ERBB4: variants seen among roughly 807,000 people sequenced by gnomAD.
The protein encoded by ERBB4 is erb-b2 receptor tyrosine kinase 4.
A neutral mutation model predicts 158.0 loss-of-function variants in ERBB4; 42 were observed. That is an observed-to-expected ratio of 0.27 (90% CI 0.21 to 0.34). The LOEUF (loss-of-function observed/expected upper bound fraction) is 0.34, where lower values mean the gene tolerates loss of function less well. ERBB4 is among the 10% of genes least tolerant of loss of function. The pLI is 1.00. For synonymous variants in ERBB4, 583 were observed against 558.7 expected, an observed-to-expected ratio of 1.04 and a Z score of -0.61; for missense variants, 1,333 against 1,624.1, an observed-to-expected ratio of 0.82 and a Z score of 3.08.
At chr2:211,408,218 G>A (rs114052778) in intron 25 of ERBB4, among the ~76,000 whole-genome samples, 5 of 152,130 alleles carry the variant, frequency 3.3e-5, no homozygotes, top group Non-Finnish European at 5.9e-5. Context: ...TTTCTAGGTC[G>A]AGTACAGTAA....
At chr2:212,262,084 T>C (rs1467828949) in intron 1 of ERBB4, among the ~76,000 whole-genome samples, 1 of 152,184 alleles carries the variant, frequency 6.6e-6, no homozygotes. Flanking sequence ...TTATTCTAAT[T>C]GTTCCCACTT....
At chr2:212,060,959 T>TAATA (rs58630259) in intron 2 of ERBB4, among the ~76,000 whole-genome samples, 36,498 of 145,672 alleles carry the variant, frequency 0.25, 5,351 homozygotes, top group African/African-American at 0.41. Flanking sequence ...TAAAGTATGA[T>TAATA]AATAAATAAA....
chr2:211,837,522 G>A lies in ERBB4; in HGVS notation c.422-49363C>T, dbSNP rs192551344. 1.1e-4 allele frequency among the ~76,000 whole-genome samples: 16 copies of A among 152,062 alleles called. No homozygotes were observed. In the East Asian group the frequency reaches 1.2e-3, roughly 11 times the overall value. ...CAGACATGTATCGTAGATTCTCCTC[G>A]GGAAATATTAAGACTTAAAGGCTTA... On this transcript the variant is annotated intron_variant, in intron 3 of 27. Transcript: ENST00000342788.
intron 20 of ERBB4, among the ~76,000 whole-genome samples, chr2:211,455,115 T>G (rs368719007): frequency 1.3e-5 from 2 of 152,364 alleles, no homozygotes; most frequent in South Asian, 4.1e-4. Context: ...CCAATAAAAT[T>G]CATTAGCACA....
rs71047175 is a variant in ERBB4, at chr2:211,415,107, C to CTTTTTTTTTTTTT, written c.3135+5321_3135+5333dup. Among the ~76,000 whole-genome samples, 59 of 72,506 alleles carry CTTTTTTTTTTTTT rather than the reference C, an allele frequency of 8.1e-4. 7 individuals are homozygous for CTTTTTTTTTTTTT. Among genetic ancestry groups the CTTTTTTTTTTTTT allele is most frequent in the African/African-American group, 3.0e-3 (55 of 18,138 alleles). The allele number at this position is 72,506 out of a possible 152,430, so 47.6% of individuals were successfully genotyped here. A position where few individuals can be genotyped will look rare whatever the true frequency, so the allele number is the denominator to read the frequency against. On this transcript the variant is annotated intron_variant, in intron 25 of 27. Transcript: ENST00000342788. ...CAAATCCCATTGAAACTTACATTTT[C>CTTTTTTTTTTTTT]TTTTTTTTTTTTTTTTTTTTTTTTT...
intron 25 of ERBB4, among the ~76,000 whole-genome samples, chr2:211,406,263 T>C (rs767871592): frequency 4.6e-5 from 7 of 152,206 alleles, no homozygotes; most frequent in Non-Finnish European, 7.3e-5. Flanking sequence ...CAACTGCATA[T>C]GGCTCTAGTG....
chr2:211,960,399 C>T (rs551086330), intron 2 of ERBB4, among the ~76,000 whole-genome samples: 1 of 152,196 alleles, frequency 6.6e-6, no homozygotes, highest in Admixed American at 6.6e-5. Context: ...TATTCAATGA[C>T]ATAAATTTCT....
At chr2:211,482,182 T>C (rs757168970) in intron 20 of ERBB4, among the ~76,000 whole-genome samples, 14 of 152,204 alleles carry the variant, frequency 9.2e-5, no homozygotes, top group Non-Finnish European at 1.9e-4. Flanking sequence ...GAGGATTCAC[T>C]AGAATACCGA....
intron 1 of ERBB4, among the ~76,000 whole-genome samples, chr2:212,376,681 T>C (rs2090333101): frequency 6.6e-6 from 1 of 152,036 alleles, no homozygotes; most frequent in African/African-American, 2.4e-5. Flanking sequence ...TTTCTTCAGT[T>C]AATGATGTAA....
intron 1 of ERBB4, among the ~76,000 whole-genome samples, chr2:212,516,413 C>A (rs1241817784): frequency 6.6e-6 from 1 of 151,938 alleles, no homozygotes; most frequent in Admixed American, 6.6e-5. Context: ...ATTCTTTGGG[C>A]AGTAGAAAAA....
chr2:211,940,903 CTGAGAA>C (rs1159117955), intron 3 of ERBB4, among the ~76,000 whole-genome samples: 33 of 152,120 alleles, frequency 2.2e-4, no homozygotes, highest in Non-Finnish European at 4.1e-4. Context: ...AATCAGTTGT[CTGAGAA>C]TAAGTCCCAG....
Position 211,726,855 on chromosome 2 carries a change from G to A in ERBB4, c.623-1661C>T, listed in dbSNP as rs1366782381. Among the ~76,000 whole-genome samples the A allele has an allele frequency of 2.6e-5, 4 of 152,070 alleles. No individual in the cohort carries two copies. The South Asian group carries it at 8.3e-4, about 31-fold the overall frequency. Reference sequence around the variant, plus strand: ...ATTAAACCTTAAGCAAGGGACAAAAGCCCTCCATAAGTTGACCACCATCTC... The same window carrying A: ...ATTAAACCTTAAGCAAGGGACAAAAACCCTCCATAAGTTGACCACCATCTC... On this transcript the variant is annotated intron_variant, in intron 5 of 27. Transcript: ENST00000342788.
intron 2 of ERBB4, among the ~76,000 whole-genome samples, chr2:211,981,370 G>T (rs1170995067): frequency 6.6e-6 from 1 of 152,170 alleles, no homozygotes; most frequent in Non-Finnish European, 1.5e-5. Flanking sequence ...GTAGTGAAGA[G>T]CACTTTGGGA....
chr2:211,792,092 T>C (rs894644637), intron 3 of ERBB4, among the ~76,000 whole-genome samples: 9 of 151,700 alleles, frequency 5.9e-5, no homozygotes, highest in African/African-American at 2.2e-4. Context: ...TAATTGTGTA[T>C]GGAAAAAAAG....
At chr2:211,826,389 A>C (rs1388041236) in intron 3 of ERBB4, among the ~76,000 whole-genome samples, 1 of 151,906 alleles carries the variant, frequency 6.6e-6, no homozygotes, top group Non-Finnish European at 1.5e-5. Flanking sequence ...TGTTCAAAAA[A>C]TTTGTTAAGT....
At chr2:212,469,666 T>G (rs1689016935) in intron 1 of ERBB4, among the ~76,000 whole-genome samples, 1 of 152,174 alleles carries the variant, frequency 6.6e-6, no homozygotes. Context: ...GATATTACTG[T>G]TTTTTAATTT....
At chr2:211,738,005 T>C (rs1260832817) in intron 5 of ERBB4, among the ~76,000 whole-genome samples, 1 of 151,922 alleles carries the variant, frequency 6.6e-6, no homozygotes, top group African/African-American at 2.4e-5. Flanking sequence ...CTATGGAACA[T>C]TCGTTTCATG....
At chr2:212,022,191 C>G (rs978314519) in intron 2 of ERBB4, among the ~76,000 whole-genome samples, 1 of 152,078 alleles carries the variant, frequency 6.6e-6, no homozygotes, top group African/African-American at 2.4e-5. Context: ...GGAATATACT[C>G]AAAGGAATAT....
At chr2:211,851,236 C>G (rs11888019) in intron 3 of ERBB4, among the ~76,000 whole-genome samples, 33,174 of 151,456 alleles carry the variant, frequency 0.22, 3,761 homozygotes, top group South Asian at 0.33. Flanking sequence ...TAACCCATTA[C>G]GTAATATGAA....
Sources: gnomAD v4.1 joint callset for allele counts (sites outside exome capture counted in the v4.1 genomes callset) on GRCh38, gnomAD v4.1.1 for gene constraint, MANE v1.5 for transcripts, NCBI Gene and HGNC (gene_info 2026-07-23, HGNC 2026-07-21) for gene names.